The following QPRT variants were observed in gnomAD, a reference collection of about 807,000 sequenced individuals.
The protein encoded by QPRT is quinolinate phosphoribosyltransferase, also known as nicotinate-nucleotide pyrophosphorylase [carboxylating].
QPRT carries 17 observed loss-of-function variants against 19.8 expected under a neutral mutation model. That is an observed-to-expected ratio of 0.86 (90% CI 0.59 to 1.29). The LOEUF is 1.29. QPRT is among the 50% of genes most tolerant of loss of function. QPRT has a pLI of 0.00. For missense variants in QPRT, 336 were observed against 405.1 expected (o/e 0.83, Z 1.46); for synonymous variants, 178 against 191.0 (o/e 0.93, Z 0.56).
In QPRT at chr16:29,697,007, G is replaced by A. The variant is rs371173994; in HGVS notation, c.561G>A (p.Ala187=). 356 of 1,605,700 alleles carry A rather than the reference G, an allele frequency of 2.2e-4. 1 individual carries two copies. The highest frequency in any genetic ancestry group is 5.6e-4 in the South Asian group (51 of 90,296). The part of the protein sequence containing the change: ...AAGGVEKAVR[A]ARQAADFTLK... The stretch of plus-strand genomic sequence containing the variant: ...CGGCTGCCCAGCAGGCGGTGCGGGC[G>A]GCCAGACAGGCGGCTGACTTCACTC... Residue 187 remains alanine, a synonymous_variant, in exon 3 of 4, where the codon GCG becomes GCA. Transcript: ENST00000395384. The surrounding 1 kb of genome is among the most constrained non-coding windows in gnomAD (Gnocchi z 4.4).
In QPRT at chr16:29,698,586, C is replaced by T. The variant is rs1967624473; in HGVS notation, c.*1175C>T. On this transcript the variant is annotated 3_prime_UTR_variant, in exon 4 of 4. Transcript: ENST00000395384. The stretch of plus-strand genomic sequence containing the variant: ...AGATATCATGACCCTTTCACGTGGA[C>T]CCCTTAGAGTTGTAAGCCTTTAAAA... 6.6e-6 allele frequency: 1 copy of T among 152,482 alleles called. No homozygotes were observed. The highest frequency in any genetic ancestry group is 2.4e-5 in the African/African-American group (1 of 41,402). 9.4% of individuals were successfully genotyped at this position (152,482 alleles called of 1,614,324 possible).
chr16:29,697,252 G>A lies in QPRT; in HGVS notation c.735G>A (p.Val245=), dbSNP rs770629445. 5 of 1,613,848 alleles carry A rather than the reference G, an allele frequency of 3.1e-6. No homozygotes were observed. The Admixed American group carries it at 8.3e-5, about 27-fold the overall frequency. The change falls in exon 4 of 4, where the codon GTG becomes GTA. Residue 245 remains valine, a synonymous_variant. Coordinates refer to ENST00000395384, the MANE Select transcript of QPRT (RefSeq NM_014298.6). This position sits in a 1 kb window ranked among gnomAD's most constrained non-coding sequence, Gnocchi z 4.4. ...AGGCCCAGTTCCCGAGTGTGGCTGTGGAAGCCAGTGGGGGCATCACCCTGG... is the reference window on the plus strand; with the variant it reads ...AGGCCCAGTTCCCGAGTGTGGCTGTAGAAGCCAGTGGGGGCATCACCCTGG... ...VLKAQFPSVA[V]EASGGITLDN...
rs1379015559 is a variant in QPRT, at chr16:29,698,424, A to G, written c.*1013A>G. 1 of 152,218 alleles carries G rather than the reference A, an allele frequency of 6.6e-6. No individual in the cohort carries two copies. The highest frequency in any genetic ancestry group is 1.5e-5 in the Non-Finnish European group (1 of 68,008). The allele number at this position is 152,218 out of a possible 1,614,324, so 9.4% of individuals were successfully genotyped here. On this transcript the variant is annotated 3_prime_UTR_variant, in exon 4 of 4. Transcript: ENST00000395384. Reference sequence around the variant, plus strand: ...CCCTGGTAGTTAAAAAAAAGTAACAATAATAATAATATCAACCCCTGACCT... The same window carrying G: ...CCCTGGTAGTTAAAAAAAAGTAACAGTAATAATAATATCAACCCCTGACCT...
chr16:29,692,547 A>G (rs1356780499), intron 1 of QPRT, among the ~76,000 whole-genome samples: 1 of 150,202 alleles, frequency 6.7e-6, no homozygotes, highest in Non-Finnish European at 1.5e-5. Flanking sequence ...CGCCACTGCA[A>G]CAGAACGAGA....
chr16:29,689,548 C>A (rs910883213), intron 1 of QPRT, among the ~76,000 whole-genome samples: 2 of 151,810 alleles, frequency 1.3e-5, no homozygotes, highest in African/African-American at 4.8e-5. Flanking sequence ...AGAGAGAGAC[C>A]CTCTCATATT....
At chr16:29,696,326 C>CA (rs1967531617) in intron 2 of QPRT, 1 of 151,702 alleles carries the variant, frequency 6.6e-6, no homozygotes, top group African/African-American at 2.4e-5. Context: ...TCTGTCTCTA[C>CA]AAAAAATTAA....
intron 1 of QPRT, among the ~76,000 whole-genome samples, chr16:29,686,245 C>T (rs1967157953): frequency 6.6e-6 from 1 of 152,142 alleles, no homozygotes; most frequent in South Asian, 2.1e-4. Flanking sequence ...GTGGCCTCTC[C>T]TCCCACCATG....
chr16:29,683,906 G>A (rs927963570), intron 1 of QPRT, among the ~76,000 whole-genome samples: 22 of 152,050 alleles, frequency 1.4e-4, no homozygotes, highest in Admixed American at 1.3e-3. Flanking sequence ...CCTACCTCCC[G>A]TGCGCTCCTC....
At chr16:29,690,197 G>T (rs1238714183) in intron 1 of QPRT, among the ~76,000 whole-genome samples, 1 of 152,222 alleles carries the variant, frequency 6.6e-6, no homozygotes, top group South Asian at 2.1e-4. Flanking sequence ...TCCCTGCAAA[G>T]AACGTAATCT....
intron 1 of QPRT, among the ~76,000 whole-genome samples, chr16:29,684,179 G>C (rs1462132663): frequency 2.0e-5 from 3 of 152,182 alleles, no homozygotes; most frequent in Admixed American, 1.3e-4. Context: ...GAGTGCAGTG[G>C]TGCAATCACA....
intron 2 of QPRT, 133 bp downstream of exon 2, chr16:29,695,332 A>G: frequency 1.2e-5 from 12 of 1,030,856 alleles, no homozygotes; most frequent in Non-Finnish European, 1.5e-5. Context: ...GACTCTTCCC[A>G]CCTCAGCTCC....
chr16:29,690,864 A>G (rs1026666595), intron 1 of QPRT, among the ~76,000 whole-genome samples: 5 of 151,344 alleles, frequency 3.3e-5, no homozygotes, highest in African/African-American at 4.9e-5. Flanking sequence ...TAGTTTTTGT[A>G]TTTTTTCGTA....
At chr16:29,689,866 G>A (rs963757219) in intron 1 of QPRT, among the ~76,000 whole-genome samples, 3 of 149,488 alleles carry the variant, frequency 2.0e-5, no homozygotes, top group Admixed American at 6.7e-5. Flanking sequence ...CCCCCTTAGA[G>A]TTGTGAGCCG....
chr16:29,686,124 T>C (rs978850421), intron 1 of QPRT, among the ~76,000 whole-genome samples: 6 of 152,156 alleles, frequency 3.9e-5, no homozygotes, highest in Non-Finnish European at 7.4e-5. Context: ...CCTCCCAAAG[T>C]GCTGGAATTA....
intron 1 of QPRT, among the ~76,000 whole-genome samples, chr16:29,682,634 C>T (rs747912837): frequency 3.9e-5 from 6 of 152,162 alleles, no homozygotes; most frequent in Non-Finnish European, 7.3e-5. Flanking sequence ...CCCACCTTGG[C>T]CTCCCAAAGT....
chr16:29,694,521 CACCGCAGT>C, intron 1 of QPRT, 135 bp from the exon 2 acceptor site: 1 of 743,018 alleles, frequency 1.3e-6, no homozygotes, highest in South Asian at 2.5e-5. Context: ...CCCCCTTCCT[CACCGCAGT>C]CCCCCCCCTG....
In QPRT at chr16:29,695,025, CA is replaced by C. The variant is rs1195827732; in HGVS notation, c.376del (p.Arg126GlyfsTer43). ...SAAAAAVEAA[R>X]GAGWTGHVAG... ...CTGCCGCCGCTGCAGTGGAGGCCGC[CA>C]GGGGGGCCGGCTGGACTGGGCACGT... On this transcript the variant is annotated frameshift_variant, in exon 2 of 4. Coordinates refer to ENST00000395384, the MANE Select transcript of QPRT (RefSeq NM_014298.6). LOFTEE classifies it high-confidence loss of function. 4.4e-6 allele frequency: 7 copies of C among 1,605,090 alleles called. No homozygotes were observed. The highest frequency in any genetic ancestry group is 1.7e-4 in the Middle Eastern group (1 of 5,942).
intron 1 of QPRT, among the ~76,000 whole-genome samples, chr16:29,686,837 T>G (rs1967176870): frequency 1.3e-5 from 2 of 152,166 alleles, no homozygotes; most frequent in Admixed American, 6.5e-5. Flanking sequence ...CCTCCCACCC[T>G]GGCTTCCCAG....
At chr16:29,691,231 G>A (rs1244555762) in intron 1 of QPRT, among the ~76,000 whole-genome samples, 1 of 151,460 alleles carries the variant, frequency 6.6e-6, no homozygotes, top group African/African-American at 2.4e-5. Flanking sequence ...TGGGCGTGGT[G>A]GCGGGCACCT....
Sources: gnomAD v4.1 joint callset for allele counts (sites outside exome capture counted in the v4.1 genomes callset) on GRCh38, gnomAD v4.1.1 for gene constraint, Gnocchi (gnomAD v3.1) non-coding constraint, MANE v1.5 for transcripts, NCBI Gene and HGNC (gene_info 2026-07-23, HGNC 2026-07-21) for gene names.